The following CFAP47 variants were observed in gnomAD, a reference collection of about 807,000 sequenced individuals.
CFAP47 encodes the protein cilia- and flagella-associated protein 47.
CFAP47 carries 29 observed loss-of-function variants against 148.1 expected under a neutral mutation model. That is an observed-to-expected ratio of 0.20 (90% confidence interval 0.15 to 0.27). The LOEUF (loss-of-function observed/expected upper bound fraction) is 0.27. Among genes scored for constraint, CFAP47 ranks in the 10% least tolerant of loss-of-function variants. CFAP47 has a pLI of 1.00. For missense variants in CFAP47, 1,872 were observed against 1,697.5 expected (o/e 1.10, Z -1.81); for synonymous variants, 664 against 577.3 (o/e 1.15, Z -2.15).
At chrX:36,381,492 G>A (rs1020630735) in intron 63 of CFAP47, among the ~76,000 whole-genome samples, 4 of 111,555 alleles carry the variant, frequency 3.6e-5, no homozygotes, top group African/African-American at 9.7e-5. Flanking sequence ...TTTAAAGAAC[G>A]TGTTAATTAA....
intron 30 of CFAP47, among the ~76,000 whole-genome samples, chrX:36,089,784 G>T (rs1389544456): frequency 9.0e-6 from 1 of 111,726 alleles, no homozygotes; most frequent in African/African-American, 3.2e-5. Flanking sequence ...CGTGATACAA[G>T]TTTGCCTATA....
intron 57 of CFAP47, among the ~76,000 whole-genome samples, chrX:36,335,167 C>T (rs1412247319): frequency 9.0e-6 from 1 of 111,004 alleles, no homozygotes; most frequent in Non-Finnish European, 1.9e-5. Flanking sequence ...CTCCAAAATA[C>T]TTTGTCCTTC....
chrX:36,151,687 C>G (rs866863285), intron 37 of CFAP47, among the ~76,000 whole-genome samples: 1 of 107,646 alleles, frequency 9.3e-6, no homozygotes, highest in South Asian at 3.9e-4. Context: ...GTGTGTCTGT[C>G]TGTGTGTCTG....
At chrX:36,245,743 G>A (rs1285296457) in intron 48 of CFAP47, among the ~76,000 whole-genome samples, 1 of 111,450 alleles carries the variant, frequency 9.0e-6, no homozygotes, top group Non-Finnish European at 1.9e-5. Flanking sequence ...GAACAGAGTA[G>A]AAAACCCAGA....
intron 42 of CFAP47, among the ~76,000 whole-genome samples, chrX:36,193,446 G>T (rs1256948745): frequency 1.8e-5 from 2 of 111,165 alleles, no homozygotes; most frequent in Non-Finnish European, 3.8e-5. Flanking sequence ...ATTTATAATG[G>T]CAAGCCCTAT....
chrX:36,042,290 C>T (rs1286386316), intron 25 of CFAP47, among the ~76,000 whole-genome samples: 1 of 111,184 alleles, frequency 9.0e-6, no homozygotes, highest in Non-Finnish European at 1.9e-5. Flanking sequence ...TAATAGAGAA[C>T]CTAGCACATG....
chrX:36,371,851 T>C (rs1286362795), intron 62 of CFAP47, among the ~76,000 whole-genome samples: 1 of 77,004 alleles, frequency 1.3e-5, no homozygotes, highest in Non-Finnish European at 2.4e-5. Context: ...TGTGTGTATA[T>C]ATGTGTGCAT....
chrX:36,023,321 C>T (rs1274217620), intron 22 of CFAP47, among the ~76,000 whole-genome samples: 1 of 112,045 alleles, frequency 8.9e-6, no homozygotes, highest in Non-Finnish European at 1.9e-5. Context: ...CAGAGTCTCT[C>T]TCTCTGTTCT....
intron 33 of CFAP47, among the ~76,000 whole-genome samples, chrX:36,132,554 T>A (rs763812243): frequency 9.0e-6 from 1 of 111,401 alleles, no homozygotes; most frequent in Admixed American, 9.5e-5. Flanking sequence ...GAAGAGAGAG[T>A]AGCTTGTATC....
chrX:36,353,449 A>G lies in CFAP47; in HGVS notation c.8699-80A>G. 3.3e-6 allele frequency: 3 copies of G among 904,769 alleles called. No individual in the cohort carries two copies. In the South Asian group the frequency reaches 6.9e-5, roughly 21 times the overall value. The allele number at this position is 904,769 out of a possible 1,213,427, so 74.6% of individuals were successfully genotyped here. A position where few individuals can be genotyped will look rare whatever the true frequency, so the allele number is the denominator to read the frequency against. ...TATCAAAGGAAGTTTTATTTTTATG[A>G]CATAGTTCATTTTCTTCTATCTCAA... On this transcript the variant is annotated intron_variant, in intron 59 of 63. Coordinates refer to ENST00000378653, the MANE Select transcript of CFAP47 (RefSeq NM_001304548.2).
At chrX:36,093,111 AGTACTCCAT>A (rs1938213544) in intron 30 of CFAP47, among the ~76,000 whole-genome samples, 4 of 111,591 alleles carry the variant, frequency 3.6e-5, no homozygotes, top group African/African-American at 1.3e-4. Context: ...ATGGCTGAAT[AGTACTCCAT>A]TGTGTAGTTG....
chrX:36,094,853 G>T (rs937554113), intron 30 of CFAP47, among the ~76,000 whole-genome samples: 3 of 110,611 alleles, frequency 2.7e-5, no homozygotes, highest in African/African-American at 6.5e-5. Flanking sequence ...ATTCTAATTT[G>T]TATGCTCCTT....
rs780836141 is a variant in CFAP47 at position 35,951,114 on chromosome X, A to G, written c.657-17A>G. 2.7e-5 allele frequency: 30 copies of G among 1,129,169 alleles called. No individual in the cohort carries two copies. Among genetic ancestry groups the G allele is most frequent in the Non-Finnish European group, 3.6e-5 (30 of 822,098 alleles). The allele number at this position is 1,129,169 out of a possible 1,213,427, so 93.1% of individuals were successfully genotyped here. A position where few individuals can be genotyped will look rare whatever the true frequency, so the allele number is the denominator to read the frequency against. On this transcript the variant is annotated splice_polypyrimidine_tract_variant and intron_variant, in intron 4 of 63. Transcript: ENST00000378653. ...AATTAAAATATGTATGTATGTGCATATCTTATTATCCTGTAGAGTGATTTT... is the reference window on the plus strand; with the variant it reads ...AATTAAAATATGTATGTATGTGCATGTCTTATTATCCTGTAGAGTGATTTT...
At chrX:36,192,815 G>A (rs900834865) in intron 42 of CFAP47, among the ~76,000 whole-genome samples, 1 of 111,860 alleles carries the variant, frequency 8.9e-6, no homozygotes, top group African/African-American at 3.3e-5. Context: ...GAAGCCAGAA[G>A]GGAGGTCAGC....
intron 21 of CFAP47, among the ~76,000 whole-genome samples, chrX:36,010,548 C>T (rs1346941757): frequency 9.3e-6 from 1 of 107,589 alleles, no homozygotes; most frequent in Non-Finnish European, 1.9e-5. Flanking sequence ...AGCTCCGCCT[C>T]CCGGGTTCAC....
chrX:36,053,779 A>T (rs1340080134), intron 26 of CFAP47, among the ~76,000 whole-genome samples: 1 of 112,434 alleles, frequency 8.9e-6, no homozygotes. Context: ...CATAACTGGA[A>T]GTTATTCATC....
intron 21 of CFAP47, among the ~76,000 whole-genome samples, chrX:36,013,975 C>T (rs1179136533): frequency 1.8e-5 from 2 of 111,801 alleles, no homozygotes; most frequent in East Asian, 5.6e-4. Context: ...ATTTGGGAGT[C>T]CTGAGCTTTA....
intron 13 of CFAP47, among the ~76,000 whole-genome samples, chrX:35,973,423 T>A (rs1243347880): frequency 9.0e-6 from 1 of 111,304 alleles, no homozygotes; most frequent in Admixed American, 9.6e-5. Context: ...TCTCCTGACC[T>A]CGTGATCCGC....
intron 10 of CFAP47, among the ~76,000 whole-genome samples, chrX:35,968,753 A>G (rs1247780910): frequency 9.0e-6 from 1 of 110,905 alleles, no homozygotes. Flanking sequence ...CATCCAAATT[A>G]GCCTTTTTAA....
Sources: gnomAD v4.1 joint callset for allele counts (sites outside exome capture counted in the v4.1 genomes callset) on GRCh38, gnomAD v4.1.1 for gene constraint, MANE v1.5 for transcripts, NCBI Gene and HGNC (gene_info 2026-07-23, HGNC 2026-07-21) for gene names.